Variants in ARHGAP39 observed in about 807,000 individuals in gnomAD.
ARHGAP39 encodes Rho GTPase activating protein 39.
Under a neutral mutation model 106.9 loss-of-function variants are expected in ARHGAP39, and 44 were observed. That is an observed-to-expected ratio of 0.41 (90% CI 0.32 to 0.53). ARHGAP39 has a LOEUF of 0.53. Ranked by LOEUF, ARHGAP39 falls within the 20% of genes least tolerant of loss-of-function variation. The pLI is 0.21. For synonymous variants in ARHGAP39, 768 were observed against 693.2 expected (o/e 1.11, Z -1.69); for missense variants, 1,496 against 1,577.3 (o/e 0.95, Z 0.87).
At chr8:144,603,745 T>C (rs1438806686) in intron 2 of ARHGAP39, among the ~76,000 whole-genome samples, 1 of 149,916 alleles carries the variant, frequency 6.7e-6, no homozygotes, top group Non-Finnish European at 1.5e-5. Context: ...GCAGTAGCAC[T>C]GAATGTTCTA....
intron 1 of ARHGAP39, among the ~76,000 whole-genome samples, chr8:144,676,319 C>T (rs1241307026): frequency 6.6e-6 from 1 of 152,178 alleles, no homozygotes; most frequent in African/African-American, 2.4e-5. Flanking sequence ...GGTGCATTTA[C>T]AATACTTTAG....
the ARHGAP39 span, among the ~76,000 whole-genome samples, chr8:144,691,858 C>T: frequency 1.3e-5 from 2 of 151,536 alleles, no homozygotes; most frequent in Non-Finnish European, 2.9e-5. Flanking sequence ...CATTAAGCGG[C>T]GGGGTGGCGG....
At chr8:144,557,500 C>A (rs553406477) in intron 3 of ARHGAP39, among the ~76,000 whole-genome samples, 2 of 147,076 alleles carry the variant, frequency 1.4e-5, no homozygotes, top group Non-Finnish European at 3.0e-5. Context: ...GCTGAACCTT[C>A]GTAGTATTCA....
intron 2 of ARHGAP39, among the ~76,000 whole-genome samples, chr8:144,601,960 TGTTC>T: frequency 6.9e-6 from 1 of 144,136 alleles, no homozygotes; most frequent in South Asian, 2.3e-4. Context: ...CGTGTACCTG[TGTTC>T]ATGTGCGTGG....
chr8:144,532,875 T>G (rs1315755663), intron 9 of ARHGAP39, among the ~76,000 whole-genome samples: 1 of 152,212 alleles, frequency 6.6e-6, no homozygotes, highest in Non-Finnish European at 1.5e-5. Flanking sequence ...GGACCCCTGG[T>G]GGCCGTCTCT....
chr8:144,620,596 C>T (rs887296802), intron 1 of ARHGAP39, among the ~76,000 whole-genome samples: 18 of 152,214 alleles, frequency 1.2e-4, no homozygotes, highest in East Asian at 1.9e-4. Context: ...TGCCCACGTG[C>T]GTGTGAGTAC....
At chr8:144,597,499 C>T (rs1434523038) in intron 2 of ARHGAP39, among the ~76,000 whole-genome samples, 1 of 152,220 alleles carries the variant, frequency 6.6e-6, no homozygotes, top group Non-Finnish European at 1.5e-5. Context: ...CAGGCTGGAA[C>T]CCCAGCACAC....
At chr8:144,600,342 G>A (rs1031418437) in intron 2 of ARHGAP39, among the ~76,000 whole-genome samples, 2 of 151,462 alleles carry the variant, frequency 1.3e-5, no homozygotes, top group Non-Finnish European at 2.9e-5. Context: ...ACCTGAGTGT[G>A]CATGTGCGTG....
At position 144,684,258 on chromosome 8, in the gene ARHGAP39, T is replaced by A. The variant is rs950013546; in HGVS notation, c.-82+1428A>T. Among the ~76,000 whole-genome samples the A allele has an allele frequency of 2.3e-4, 35 of 152,016 alleles. No individual in the cohort carries two copies. Among genetic ancestry groups the A allele is most frequent in the African/African-American group, 8.2e-4 (34 of 41,378 alleles). ...CGCCCAGGGCGGTTTATGGAATGAGTCTCCTCGATTTACAGCCACACCTCC... is the reference window on the plus strand; with the variant it reads ...CGCCCAGGGCGGTTTATGGAATGAGACTCCTCGATTTACAGCCACACCTCC... On this transcript the variant is annotated intron_variant, in intron 1 of 11. Coordinates refer to ENST00000377307, the MANE Select transcript of ARHGAP39 (RefSeq NM_025251.3). The surrounding 1 kb of genome is among the most constrained non-coding windows in gnomAD (Gnocchi z 4.4).
At chr8:144,667,499 AC>A (rs1821993517) in intron 1 of ARHGAP39, among the ~76,000 whole-genome samples, 1 of 152,232 alleles carries the variant, frequency 6.6e-6, no homozygotes, top group Non-Finnish European at 1.5e-5. Flanking sequence ...CCCTGGGAGA[AC>A]ATAAGCTCCA....
rs753730615 is a variant in ARHGAP39 at position 144,547,077 on chromosome 8, C to G, written c.1959+50G>C. On this transcript the variant is annotated intron_variant, in intron 5 of 11. Coordinates refer to ENST00000377307, the MANE Select transcript of ARHGAP39 (RefSeq NM_025251.3). The surrounding 1 kb of genome is among the most constrained non-coding windows in gnomAD (Gnocchi z 5.2). Reference sequence around the variant, plus strand: ...GCCTGGCCCACGGGGTCCACTCTGACTGGGCTGGCCCCAGGCTCTCAAGCT... The same window carrying G: ...GCCTGGCCCACGGGGTCCACTCTGAGTGGGCTGGCCCCAGGCTCTCAAGCT... 1.3e-6 allele frequency: 2 copies of G among 1,500,408 alleles called. No homozygotes were observed. The highest frequency in any genetic ancestry group is 2.8e-5 in the African/African-American group (2 of 71,462). The allele number at this position is 1,500,408 out of a possible 1,614,324, so 92.9% of individuals were successfully genotyped here. A position where few individuals can be genotyped will look rare whatever the true frequency, so the allele number is the denominator to read the frequency against.
Position 144,537,633 on chromosome 8 carries a change from C to T in ARHGAP39, c.2614+88G>A, listed in dbSNP as rs567900275. ...TGGCCCCATCCCCCCCGCCCAGAAG[C>T]GGTTAGAGAAGAGAAGGCCAGGCGG... On this transcript the variant is annotated intron_variant, in intron 7 of 11. Coordinates refer to ENST00000377307, the MANE Select transcript of ARHGAP39 (RefSeq NM_025251.3). 570 of 1,125,472 alleles carry T rather than the reference C, an allele frequency of 5.1e-4. 2 individuals carry two copies. The highest frequency in any genetic ancestry group is 2.4e-3 in the Middle Eastern group (10 of 4,156). The allele number at this position is 1,125,472 out of a possible 1,614,324, so 69.7% of individuals were successfully genotyped here.
At chr8:144,608,314 A>G (rs2130950801) in intron 1 of ARHGAP39, among the ~76,000 whole-genome samples, 1 of 152,202 alleles carries the variant, frequency 6.6e-6, no homozygotes, top group South Asian at 2.1e-4. Context: ...AAAAGCTAAA[A>G]AGCATCCACC....
chr8:144,554,829 G>A (rs147273315), intron 4 of ARHGAP39, among the ~76,000 whole-genome samples: 305 of 152,306 alleles, frequency 2.0e-3, no homozygotes, highest in African/African-American at 6.8e-3. Flanking sequence ...GAAACAAACC[G>A]TTACCACTTC....
At chr8:144,624,331 T>C (rs1235728702) in intron 1 of ARHGAP39, among the ~76,000 whole-genome samples, 2 of 144,502 alleles carry the variant, frequency 1.4e-5, no homozygotes, top group African/African-American at 2.6e-5. Context: ...ATAATCATCG[T>C]CTCAAGAAAT....
At chr8:144,627,554 CAAAAA>C (rs386414277) in intron 1 of ARHGAP39, among the ~76,000 whole-genome samples, 5 of 103,810 alleles carry the variant, frequency 4.8e-5, no homozygotes, top group Non-Finnish European at 9.3e-5. Flanking sequence ...GACTCCATCT[CAAAAA>C]AAAAAAAAAA....
intron 6 of ARHGAP39, among the ~76,000 whole-genome samples, chr8:144,539,090 T>C (rs1336461978): frequency 1.3e-5 from 2 of 152,098 alleles, no homozygotes; most frequent in East Asian, 3.8e-4. Context: ...GAACTCTGGA[T>C]CGTTTTAATG....
At chr8:144,622,435 G>A (rs565700754) in intron 1 of ARHGAP39, among the ~76,000 whole-genome samples, 1 of 152,102 alleles carries the variant, frequency 6.6e-6, no homozygotes, top group South Asian at 2.1e-4. Flanking sequence ...AGCAGCAGAA[G>A]GCATGGCACC....
chr8:144,600,633 C>T lies in ARHGAP39; in HGVS notation c.80+4902G>A, dbSNP rs138378836. Among the ~76,000 whole-genome samples the T allele has an allele frequency of 3.3e-3, 455 of 138,834 alleles. 3 individuals carry two copies. The highest frequency in any genetic ancestry group is 5.7e-3 in the African/African-American group (208 of 36,518). The allele number at this position is 138,834 out of a possible 152,430, so 91.1% of individuals were successfully genotyped here. ...GGAGGCGTGCGTGCGCACTTGGGTA[C>T]CTACCTGCGTGTGCATGGAGGTGTG... On this transcript the variant is annotated intron_variant, in intron 2 of 11. Coordinates refer to ENST00000377307, the MANE Select transcript of ARHGAP39 (RefSeq NM_025251.3).
Sources: allele counts gnomAD v4.1 joint callset (sites outside exome capture counted in the v4.1 genomes callset), GRCh38; gene constraint gnomAD v4.1.1; non-coding constraint Gnocchi (gnomAD v3.1); transcripts MANE v1.5; gene names NCBI Gene and HGNC (gene_info 2026-07-23, HGNC 2026-07-21).